PRKRA: variants seen among roughly 807,000 people sequenced by gnomAD.
The protein encoded by PRKRA is interferon-inducible double-stranded RNA-dependent protein kinase activator A.
PRKRA carries 22 observed loss-of-function variants against 32.4 expected under a neutral mutation model. The ratio of observed to expected loss-of-function variants is 0.68; its 90% confidence interval spans 0.49 to 0.97. PRKRA has a LOEUF of 0.97. PRKRA is among the 50% of genes least tolerant of loss of function. PRKRA has a pLI of 0.00. For missense variants in PRKRA, 319 were observed against 375.6 expected, an observed-to-expected ratio of 0.85 and a Z score of 1.25; for synonymous variants, 139 against 129.8, an observed-to-expected ratio of 1.07 and a Z score of -0.48.
intron 6 of PRKRA, chr2:178,439,617 T>C (rs540578439): frequency 1.3e-5 from 2 of 152,340 alleles, no homozygotes; most frequent in East Asian, 3.9e-4. Context: ...TTGTTTTTAA[T>C]TGGTGGGTAC....
intron 7 of PRKRA, chr2:178,433,476 G>A (rs1229484714): frequency 6.6e-6 from 1 of 152,162 alleles, no homozygotes; most frequent in Non-Finnish European, 1.5e-5. Context: ...CCAGCAACGT[G>A]TAAGGTTCCA....
At chr2:178,450,895 C>A in intron 1 of PRKRA, 71 bp downstream of exon 1, 1 of 1,237,734 alleles carries the variant, frequency 8.1e-7, no homozygotes, top group East Asian at 5.6e-5. Context: ...CTCTGGAGGG[C>A]CGGCTCCCCG....
At chr2:178,448,298 C>T (rs1032526510) in intron 2 of PRKRA, among the ~76,000 whole-genome samples, 4 of 152,182 alleles carry the variant, frequency 2.6e-5, no homozygotes, top group Non-Finnish European at 5.9e-5. Flanking sequence ...GTTCAAACTC[C>T]CATACCCTCA....
chr2:178,440,619 G>A (rs891133780), intron 6 of PRKRA, among the ~76,000 whole-genome samples: 1 of 151,886 alleles, frequency 6.6e-6, no homozygotes. Context: ...CAATTACCAT[G>A]CCCCTTTACC....
intron 2 of PRKRA, among the ~76,000 whole-genome samples, chr2:178,449,227 T>C (rs1445661141): frequency 1.3e-5 from 2 of 152,072 alleles, no homozygotes; most frequent in East Asian, 1.9e-4. Flanking sequence ...TATCTAGAAA[T>C]AGACTAGCTA....
intron 7 of PRKRA, among the ~76,000 whole-genome samples, chr2:178,435,480 T>C (rs549256639): frequency 2.6e-5 from 4 of 152,090 alleles, no homozygotes; most frequent in Non-Finnish European, 5.9e-5. Flanking sequence ...TGACTTGCTT[T>C]CCCATCTGTC....
chr2:178,448,200 GC>G (rs1278159135), intron 2 of PRKRA, among the ~76,000 whole-genome samples: 2 of 152,176 alleles, frequency 1.3e-5, no homozygotes, highest in Non-Finnish European at 2.9e-5. Flanking sequence ...TGCATGGGTA[GC>G]TAAGTTGGGA....
chr2:178,447,747 G>A (rs1038748064), intron 2 of PRKRA, among the ~76,000 whole-genome samples, 161 bp from the exon 3 acceptor site: 4 of 152,034 alleles, frequency 2.6e-5, no homozygotes, highest in Non-Finnish European at 5.9e-5. Context: ...ATATGTACAT[G>A]TTATATACTA....
In PRKRA at chr2:178,443,297, T is replaced by A; in HGVS notation, c.484A>T (p.Ile162Phe). The A allele has an allele frequency of 6.2e-7, 1 of 1,610,836 alleles. No individual in the cohort carries two copies. Among genetic ancestry groups the A allele is most frequent in the Non-Finnish European group, 8.5e-7 (1 of 1,177,164 alleles). The change falls in exon 5 of 8, where the codon ATT (isoleucine) becomes TTT (phenylalanine). Residue 162 changes from isoleucine (I) to phenylalanine (F), a missense_variant. Ile to Phe is a conservative substitution (Grantham distance 21, BLOSUM62 0). Coordinates refer to ENST00000325748, the MANE Select transcript of PRKRA (RefSeq NM_003690.5). Reference sequence around the variant, plus strand: ...TCCATAAATGACTCTAGCCTGCAAATTGTAGTATATTCTCTCTTATGAGCA... The same window carrying A: ...TCCATAAATGACTCTAGCCTGCAAAATGTAGTATATTCTCTCTTATGAGCA... ...GPAHKREYTTICRLESFMETG... is the reference protein window; with the variant it reads ...GPAHKREYTTFCRLESFMETG...
chr2:178,451,080 G>GT lies in PRKRA; in HGVS notation c.-51dup, dbSNP rs1490168790. ...TGGAGGAAGAGCGGTGCGGAGCGAC[G>GT]TGCTCGCTCCCCGGGTCGCTGGTCC... On this transcript the variant is annotated 5_prime_UTR_variant, in exon 1 of 8. Coordinates refer to ENST00000325748, the MANE Select transcript of PRKRA (RefSeq NM_003690.5). The GT allele has an allele frequency of 6.5e-6, 10 of 1,530,180 alleles. No homozygotes were observed. In the Middle Eastern group the frequency reaches 1.1e-3, roughly 162 times the overall value. The allele number at this position is 1,530,180 out of a possible 1,614,324, so 94.8% of individuals were successfully genotyped here.
At chr2:178,440,428 G>A (rs1302069158) in intron 6 of PRKRA, among the ~76,000 whole-genome samples, 1 of 152,010 alleles carries the variant, frequency 6.6e-6, no homozygotes, top group Non-Finnish European at 1.5e-5. Flanking sequence ...TCATGTGTAG[G>A]CCAATCTCTT....
Position 178,441,740 on chromosome 2 carries a change from G to T in PRKRA, c.515-36C>A, listed in dbSNP as rs776415976. ...AAAAAGAAATGGTAGATTTAGAAAAGAAATTAGTGTCCACAGAGGATGATC... is the reference window on the plus strand; with the variant it reads ...AAAAAGAAATGGTAGATTTAGAAAATAAATTAGTGTCCACAGAGGATGATC... On this transcript the variant is annotated intron_variant, in intron 5 of 7. Coordinates refer to ENST00000325748, the MANE Select transcript of PRKRA (RefSeq NM_003690.5). 7 of 1,508,790 alleles carry T rather than the reference G, an allele frequency of 4.6e-6. No individual in the cohort carries two copies. In the African/African-American group the frequency reaches 6.9e-5, roughly 15 times the overall value. 93.5% of individuals were successfully genotyped at this position (1,508,790 alleles called of 1,614,324 possible). A position where few individuals can be genotyped will look rare whatever the true frequency, so the allele number is the denominator to read the frequency against.
At chr2:178,450,931 C>T in intron 1 of PRKRA, 35 bp downstream of exon 1, 1 of 903,904 alleles carries the variant, frequency 1.1e-6, no homozygotes, top group Non-Finnish European at 1.5e-6. Flanking sequence ...GCCCAACGCT[C>T]CCGGCCCTGG....
intron 3 of PRKRA, 184 bp downstream of exon 3, chr2:178,447,321 A>T: frequency 9.4e-7 from 1 of 1,063,220 alleles, no homozygotes; most frequent in Non-Finnish European, 1.3e-6. Context: ...TTAATAGCTA[A>T]TTGCTGGATT....
At position 178,436,264 on chromosome 2, in the gene PRKRA, G is replaced by A. The variant is rs121434410; in HGVS notation, c.665C>T (p.Pro222Leu). The A allele has an allele frequency of 8.2e-5, 132 of 1,613,684 alleles. No homozygotes were observed. The highest frequency in any genetic ancestry group is 2.2e-4 in the Admixed American group (13 of 60,008). ...TTTCAGTAAGTTGATCTTTTCACCA[G>A]GAGAATTCCTCAAGGAATGCCAAGT... ...GCTWHSLRNS[P>L]GEKINLLKRS... Residue 222 changes from proline to leucine, a missense_variant, in exon 7 of 8, where the codon CCT (proline) becomes CTT (leucine). By Grantham distance (98) the Pro-to-Leu change is moderately conservative. Transcript: ENST00000325748.
chr2:178,446,924 C>T (rs1259954939), intron 3 of PRKRA, among the ~76,000 whole-genome samples: 5 of 133,412 alleles, frequency 3.7e-5, no homozygotes, highest in East Asian at 2.5e-4. Flanking sequence ...ACCCGGGAGG[C>T]GGAGCTTGCA....
At chr2:178,444,291 T>C (rs1182347148) in intron 4 of PRKRA, 131 bp downstream of exon 4, 3 of 771,278 alleles carry the variant, frequency 3.9e-6, no homozygotes, top group Non-Finnish European at 4.3e-6. Context: ...TCTGTTAATC[T>C]AATGATCGTA....
At chr2:178,440,708 C>T (rs566958257) in intron 6 of PRKRA, among the ~76,000 whole-genome samples, 2 of 152,202 alleles carry the variant, frequency 1.3e-5, no homozygotes, top group African/African-American at 2.4e-5. Flanking sequence ...GCTGTCATGT[C>T]TCACGTGTCT....
At chr2:178,440,836 C>T (rs1352268188) in intron 6 of PRKRA, among the ~76,000 whole-genome samples, 1 of 152,192 alleles carries the variant, frequency 6.6e-6, no homozygotes, top group Admixed American at 6.5e-5. Flanking sequence ...GATTAAAATT[C>T]TTTAATGACT....
Sources: gnomAD v4.1 joint callset for allele counts (sites outside exome capture counted in the v4.1 genomes callset) on GRCh38, gnomAD v4.1.1 for gene constraint, MANE v1.5 for transcripts, NCBI Gene and HGNC (gene_info 2026-07-23, HGNC 2026-07-21) for gene names.